Variants in DDHD1 observed in about 807,000 individuals in gnomAD.
DDHD1 encodes the protein phospholipase DDHD1.
DDHD1 carries 49 observed loss-of-function variants against 96.4 expected under a neutral mutation model. The observed-to-expected ratio is 0.51, with a 90% CI of 0.40 to 0.64. DDHD1 has a LOEUF of 0.64. DDHD1 is among the 30% of genes least tolerant of loss of function. The pLI, the probability that DDHD1 is intolerant of heterozygous loss-of-function variation, is 0.00. For missense variants in DDHD1, 1,106 were observed against 1,161.2 expected, an observed-to-expected ratio of 0.95 and a Z score of 0.69; for synonymous variants, 442 against 446.5, an observed-to-expected ratio of 0.99 and a Z score of 0.13.
rs1595223628 is a variant in DDHD1, at chr14:53,124,316, G to C, written c.839-20460C>G. Among the ~76,000 whole-genome samples, 2 of 151,630 alleles carry C rather than the reference G, an allele frequency of 1.3e-5. 1 individual carries two copies. The highest frequency in any genetic ancestry group is 2.9e-5 in the Non-Finnish European group (2 of 67,942). On this transcript the variant is annotated intron_variant, in intron 1 of 12. Coordinates refer to ENST00000673822, the MANE Select transcript of DDHD1 (RefSeq NM_001160148.2). ...AAATGGAATGAAAGGTAGTAACTTA[G>C]GATCTAGCATCAAAATGCTACCTTG...
At chr14:53,067,227 C>T (rs1452615615) in intron 6 of DDHD1, among the ~76,000 whole-genome samples, 2 of 151,128 alleles carry the variant, frequency 1.3e-5, no homozygotes, top group Non-Finnish European at 2.9e-5. Context: ...GGCGTGACCT[C>T]GACTAACTGC....
At chr14:53,048,065 G>C (rs781192764) in intron 12 of DDHD1, among the ~76,000 whole-genome samples, 1 of 152,064 alleles carries the variant, frequency 6.6e-6, no homozygotes, top group Non-Finnish European at 1.5e-5. Flanking sequence ...ATCATACATA[G>C]GAAATCATAA....
chr14:53,129,627 C>T (rs547957952), intron 1 of DDHD1, among the ~76,000 whole-genome samples: 8 of 152,102 alleles, frequency 5.3e-5, no homozygotes, highest in Non-Finnish European at 1.2e-4. Flanking sequence ...GCAAGCACCA[C>T]CCTCCCGCCC....
Position 53,063,081 on chromosome 14 carries a change from G to A in DDHD1, c.1628C>T (p.Thr543Ile). The A allele has an allele frequency of 6.2e-7, 1 of 1,614,028 alleles. No individual in the cohort carries two copies. The highest frequency in any genetic ancestry group is 8.5e-7 in the Non-Finnish European group (1 of 1,179,984). The change falls in exon 7 of 13, where the codon ACT becomes ATT. Residue 543 changes from threonine (T) to isoleucine (I), a missense_variant. By Grantham distance (89) the Thr-to-Ile change is moderately conservative. This residue lies in a region of DDHD1 where 650 missense variants were observed against 758.8 expected (regional missense o/e 0.86). Transcript: ENST00000673822. ...ATTCCAGCCAGTCATTATGTCATAAGTAATTACACATCCCAAGGAATGTGA... is the reference window on the plus strand; with the variant it reads ...ATTCCAGCCAGTCATTATGTCATAAATAATTACACATCCCAAGGAATGTGA... ...IVSHSLGCVI[T>I]YDIMTGWNPV...
chr14:53,087,845 AC>A (rs1186546224), intron 4 of DDHD1, among the ~76,000 whole-genome samples: 6 of 152,140 alleles, frequency 3.9e-5, no homozygotes, highest in Non-Finnish European at 8.8e-5. Flanking sequence ...GACACAAAAA[AC>A]CCTTCAAAAA....
intron 1 of DDHD1, among the ~76,000 whole-genome samples, chr14:53,126,095 A>T (rs1889409976): frequency 6.6e-6 from 1 of 152,226 alleles, no homozygotes; most frequent in African/African-American, 2.4e-5. Context: ...CAAGTTATAT[A>T]TCACAAAACA....
At chr14:53,142,074 A>T (rs1325370527) in intron 1 of DDHD1, among the ~76,000 whole-genome samples, 1 of 152,374 alleles carries the variant, frequency 6.6e-6, no homozygotes, top group Middle Eastern at 3.4e-3. Flanking sequence ...TAATCACCTG[A>T]TGATAACTCT....
chr14:53,057,646 A>G (rs1981137), intron 9 of DDHD1, among the ~76,000 whole-genome samples: 112,320 of 152,094 alleles, frequency 0.74, 44,052 homozygotes, highest in East Asian at 0.96. Context: ...TTAAGGTTTG[A>G]AAGTCCAGTA....
At chr14:53,125,381 T>C (rs1889350251) in intron 1 of DDHD1, among the ~76,000 whole-genome samples, 1 of 152,150 alleles carries the variant, frequency 6.6e-6, no homozygotes, top group Admixed American at 6.6e-5. Flanking sequence ...AAAAAAATAT[T>C]TGATATAACC....
chr14:53,072,927 T>TG (rs2139914179), intron 5 of DDHD1, among the ~76,000 whole-genome samples: 1 of 151,646 alleles, frequency 6.6e-6, no homozygotes, highest in South Asian at 2.1e-4. Context: ...CATTAAAGGA[T>TG]GAAAGCCATT....
At position 53,063,071 on chromosome 14, in the gene DDHD1, T is replaced by C. The variant is rs142174102; in HGVS notation, c.1638A>G (p.Ile546Met). The C allele has an allele frequency of 6.2e-7, 1 of 1,614,000 alleles. No homozygotes were observed. Among genetic ancestry groups the C allele is most frequent in the Non-Finnish European group, 8.5e-7 (1 of 1,180,006 alleles). ...GCCGAACTGGATTCCAGCCAGTCAT[T>C]ATGTCATAAGTAATTACACATCCCA... ...HSLGCVITYD[I>M]MTGWNPVRLY... The change falls in exon 7 of 13, where the codon ATA becomes ATG. Residue 546 changes from isoleucine (I) to methionine (M), a missense_variant. Physicochemically the swap from Ile to Met is conservative, Grantham distance 10 (BLOSUM62 1). Transcript: ENST00000673822.
intron 4 of DDHD1, among the ~76,000 whole-genome samples, chr14:53,086,541 C>T (rs1202370089): frequency 7.2e-6 from 1 of 139,414 alleles, no homozygotes; most frequent in Non-Finnish European, 1.5e-5. Context: ...AATCTCATAT[C>T]CAGCCAAACC....
At chr14:53,082,304 TAA>T (rs968616615) in intron 4 of DDHD1, among the ~76,000 whole-genome samples, 18 of 152,124 alleles carry the variant, frequency 1.2e-4, no homozygotes, top group African/African-American at 2.7e-4. Flanking sequence ...CTGTAAAACA[TAA>T]GTCTTCATAA....
At chr14:53,047,098 G>A (rs1882079066) in intron 12 of DDHD1, 149 bp from the exon 13 acceptor site, 4 of 551,482 alleles carry the variant, frequency 7.3e-6, no homozygotes, top group Non-Finnish European at 1.2e-5. Flanking sequence ...CATCTTAAGA[G>A]AAAAACACTC....
At chr14:53,091,955 A>C in intron 3 of DDHD1, 23 bp from the exon 4 acceptor site, 1 of 1,591,710 alleles carries the variant, frequency 6.3e-7, no homozygotes. Context: ...TATAATTCTA[A>C]GTTTACTATT....
At chr14:53,087,995 CA>C (rs1365535367) in intron 4 of DDHD1, among the ~76,000 whole-genome samples, 1 of 152,072 alleles carries the variant, frequency 6.6e-6, no homozygotes, top group Non-Finnish European at 1.5e-5. Context: ...CTACTGATCC[CA>C]CAGAAATACA....
At chr14:53,063,507 T>A (rs575951450) in intron 6 of DDHD1, among the ~76,000 whole-genome samples, 4 of 151,972 alleles carry the variant, frequency 2.6e-5, no homozygotes, top group Non-Finnish European at 5.9e-5. Context: ...ACCAAAGTTC[T>A]ATGCAAATAC....
intron 6 of DDHD1, among the ~76,000 whole-genome samples, chr14:53,066,788 G>A (rs1385029716): frequency 6.6e-6 from 1 of 151,982 alleles, no homozygotes; most frequent in Admixed American, 6.6e-5. Flanking sequence ...GCAACATGGT[G>A]AAACCCTGTC....
intron 7 of DDHD1, among the ~76,000 whole-genome samples, chr14:53,062,452 A>G (rs1883666989): frequency 6.6e-6 from 1 of 152,092 alleles, no homozygotes; most frequent in Admixed American, 6.5e-5. Flanking sequence ...AGGGCCACAA[A>G]TGATTAAATA....
Sources: allele counts gnomAD v4.1 joint callset (sites outside exome capture counted in the v4.1 genomes callset), GRCh38; gene constraint gnomAD v4.1.1; regional missense constraint gnomAD v4.1.1; transcripts MANE v1.5; gene names NCBI Gene and HGNC (gene_info 2026-07-23, HGNC 2026-07-21).